The following OTUD7A variants were observed in gnomAD, a reference collection of about 807,000 sequenced individuals.
The protein encoded by OTUD7A is OTU deubiquitinase 7A, also known as OTU domain-containing protein 7A.
Under a neutral mutation model 65.7 loss-of-function variants are expected in OTUD7A, and 12 were observed. The ratio of observed to expected loss-of-function variants is 0.18; its 90% confidence interval spans 0.12 to 0.30. The LOEUF (loss-of-function observed/expected upper bound fraction) is 0.30. OTUD7A is among the 10% of genes least tolerant of loss of function. OTUD7A has a pLI of 1.00. For missense variants in OTUD7A, 1,148 were observed against 1,304.8 expected (o/e 0.88, Z 1.85); for synonymous variants, 641 against 586.3 (o/e 1.09, Z -1.35).
chr15:31,524,716 T>C (rs543181771), intron 8 of OTUD7A, among the ~76,000 whole-genome samples: 7 of 152,334 alleles, frequency 4.6e-5, no homozygotes, highest in African/African-American at 7.2e-5. Context: ...GCCAGAACTA[T>C]GGCTCCCAGG....
At chr15:31,517,423 T>G (rs975061505) in intron 8 of OTUD7A, among the ~76,000 whole-genome samples, 1 of 152,248 alleles carries the variant, frequency 6.6e-6, no homozygotes, top group Non-Finnish European at 1.5e-5. Flanking sequence ...ACTTCATGTC[T>G]TCTTCTTGTG....
At chr15:31,585,653 G>A (rs1889510846) in intron 3 of OTUD7A, among the ~76,000 whole-genome samples, 1 of 152,186 alleles carries the variant, frequency 6.6e-6, no homozygotes, top group African/African-American at 2.4e-5. Context: ...AAGCCTCTAA[G>A]TGGTGGTCTG....
intron 3 of OTUD7A, among the ~76,000 whole-genome samples, chr15:31,622,748 CCTT>C (rs1229384747): frequency 6.6e-6 from 1 of 152,168 alleles, no homozygotes; most frequent in Admixed American, 6.5e-5. Context: ...TCGTCTGAAG[CCTT>C]CTTCTCTCAA....
At chr15:31,688,800 T>C (rs1257159169) in intron 1 of OTUD7A, among the ~76,000 whole-genome samples, 2 of 150,516 alleles carry the variant, frequency 1.3e-5, no homozygotes, top group African/African-American at 4.9e-5. Flanking sequence ...AAACAATTGG[T>C]AAATCTGGGT....
intron 1 of OTUD7A, among the ~76,000 whole-genome samples, chr15:31,657,396 G>A (rs375291611): frequency 4.0e-5 from 6 of 150,620 alleles, no homozygotes; most frequent in Admixed American, 3.3e-4. Context: ...TTGCTCTGTC[G>A]CCCAGGCTGG....
At chr15:31,864,810 C>G (rs1897836941) in intron 1 of OTUD7A, among the ~76,000 whole-genome samples, 1 of 151,450 alleles carries the variant, frequency 6.6e-6, no homozygotes, top group Non-Finnish European at 1.5e-5. Flanking sequence ...AAAGCAAGTT[C>G]ATCTAAGCAA....
Position 31,530,756 on chromosome 15 carries a change from A to G in OTUD7A, c.603T>C (p.Pro201=). The part of the protein sequence containing the change: ...TVCTSCKRLL[P]LATTGDGNCL... ...AGTTCCCATCCCCTGTTGTGGCCAG[A>G]GGAAGAAGCCGTTTACAGCTCGTGC... The change falls in exon 6 of 13, where the codon CCT becomes CCC. Residue 201 remains proline, a synonymous_variant. Coordinates refer to ENST00000307050, the MANE Select transcript of OTUD7A (RefSeq NM_001382637.1). The G allele has an allele frequency of 3.1e-6, 5 of 1,614,214 alleles. No individual in the cohort carries two copies. The highest frequency in any genetic ancestry group is 4.2e-6 in the Non-Finnish European group (5 of 1,180,020).
chr15:31,758,560 A>T (rs1291444696), intron 1 of OTUD7A, among the ~76,000 whole-genome samples: 1 of 152,250 alleles, frequency 6.6e-6, no homozygotes, highest in African/African-American at 2.4e-5. Flanking sequence ...TACTGCTCGA[A>T]CCAGAGAGCA....
At chr15:31,725,451 T>A (rs1365942074) in intron 1 of OTUD7A, among the ~76,000 whole-genome samples, 7 of 152,296 alleles carry the variant, frequency 4.6e-5, no homozygotes, top group Middle Eastern at 6.8e-3. Flanking sequence ...TCTGCATCTT[T>A]CAAAGAGACC....
chr15:31,654,378 A>G (rs1444271584), intron 3 of OTUD7A, among the ~76,000 whole-genome samples: 2 of 149,688 alleles, frequency 1.3e-5, no homozygotes, highest in Admixed American at 1.3e-4. Flanking sequence ...CTGCAAATGT[A>G]CAATAATTCT....
At chr15:31,748,738 A>G (rs1042316652) in intron 1 of OTUD7A, among the ~76,000 whole-genome samples, 6 of 152,204 alleles carry the variant, frequency 3.9e-5, no homozygotes, top group African/African-American at 1.4e-4. Context: ...CTCAATGGAA[A>G]TACATAGATA....
At chr15:31,850,046 C>A (rs776737987) in intron 1 of OTUD7A, among the ~76,000 whole-genome samples, 1 of 152,130 alleles carries the variant, frequency 6.6e-6, no homozygotes, top group Non-Finnish European at 1.5e-5. Flanking sequence ...TTCAACCCAG[C>A]GATCCCATTA....
intron 8 of OTUD7A, among the ~76,000 whole-genome samples, chr15:31,504,646 C>T (rs1007825578): frequency 3.3e-5 from 5 of 152,234 alleles, no homozygotes; most frequent in Admixed American, 6.5e-5. Context: ...CCAGAGGTGG[C>T]TCTCAGACTT....
chr15:31,541,349 C>T (rs1887982202), intron 5 of OTUD7A, among the ~76,000 whole-genome samples: 2 of 152,198 alleles, frequency 1.3e-5, no homozygotes, highest in African/African-American at 4.8e-5. Flanking sequence ...TATATCCCTA[C>T]AAACCCTCAT....
intron 1 of OTUD7A, among the ~76,000 whole-genome samples, chr15:31,846,890 A>C (rs561230218): frequency 2.6e-5 from 4 of 152,260 alleles, no homozygotes; most frequent in Non-Finnish European, 5.9e-5. Context: ...GTTTAGACAA[A>C]AAGTCTGTTG....
At chr15:31,632,428 T>C (rs934756994) in intron 3 of OTUD7A, among the ~76,000 whole-genome samples, 3 of 152,244 alleles carry the variant, frequency 2.0e-5, no homozygotes, top group Non-Finnish European at 4.4e-5. Context: ...GCGGTGGCTG[T>C]AGAACAGCAG....
At position 31,860,677 on chromosome 15, in the gene OTUD7A, G is replaced by GTGTGTATATATATATATATATATA. The variant is rs560896384; in HGVS notation, c.-100+9829_-100+9830insTATATATATATATATATATACACA. 7.5e-3 allele frequency among the ~76,000 whole-genome samples: 551 copies of GTGTGTATATATATATATATATATA among 73,264 alleles called. 25 individuals carry two copies. Among genetic ancestry groups the GTGTGTATATATATATATATATATA allele is most frequent in the South Asian group, 0.012 (19 of 1,646 alleles). 48.1% of individuals were successfully genotyped at this position (73,264 alleles called of 152,430 possible). A position where few individuals can be genotyped will look rare whatever the true frequency, so the allele number is the denominator to read the frequency against. On this transcript the variant is annotated intron_variant, in intron 1 of 12. Transcript: ENST00000307050. The stretch of plus-strand genomic sequence containing the variant: ...TGTGTGTATATATAGATGTATGTGT[G>GTGTGTATATATATATATATATATA]TATATATATATATATATATATATGT...
chr15:31,600,677 A>G (rs1266742495), intron 3 of OTUD7A, among the ~76,000 whole-genome samples: 1 of 152,254 alleles, frequency 6.6e-6, no homozygotes, highest in African/African-American at 2.4e-5. Flanking sequence ...AATTGGATAA[A>G]GAGTCAAGAC....
At chr15:31,727,834 A>T (rs1409982132) in intron 1 of OTUD7A, among the ~76,000 whole-genome samples, 2 of 152,146 alleles carry the variant, frequency 1.3e-5, no homozygotes, top group African/African-American at 4.8e-5. Flanking sequence ...AGTACTTCTC[A>T]GCCGCCCCTT....
Sources: allele counts gnomAD v4.1 joint callset (sites outside exome capture counted in the v4.1 genomes callset), GRCh38; gene constraint gnomAD v4.1.1; transcripts MANE v1.5; gene names NCBI Gene and HGNC (gene_info 2026-07-23, HGNC 2026-07-21).